The following TNFRSF11A variants were observed in gnomAD, a reference collection of about 807,000 sequenced individuals.
TNFRSF11A encodes TNF receptor superfamily member 11a, also known as tumor necrosis factor receptor superfamily member 11A.
A neutral mutation model predicts 55.7 loss-of-function variants in TNFRSF11A; 32 were observed. The observed-to-expected ratio is 0.57, with a 90% CI of 0.43 to 0.77. TNFRSF11A has a LOEUF of 0.77. TNFRSF11A is among the 30% of genes least tolerant of loss of function. The pLI is 0.00. For missense variants in TNFRSF11A, 753 were observed against 809.8 expected, an observed-to-expected ratio of 0.93 and a Z score of 0.85; for synonymous variants, 311 against 331.0, an observed-to-expected ratio of 0.94 and a Z score of 0.65.
At chr18:62,334,732 G>T (rs72931589) in intron 1 of TNFRSF11A, among the ~76,000 whole-genome samples, 23,231 of 152,126 alleles carry the variant, frequency 0.15, 2,409 homozygotes, top group Middle Eastern at 0.28. Context: ...TCCCTTAAAA[G>T]ACACTTTCTA....
At chr18:62,359,875 C>G in intron 5 of TNFRSF11A, 80 bp from the exon 6 acceptor site, 1 of 1,300,014 alleles carries the variant, frequency 7.7e-7, no homozygotes, top group East Asian at 2.3e-5. Flanking sequence ...AGCTGGCAAT[C>G]TGGGAGAGTT....
chr18:62,358,855 A>T (rs1307219202), intron 5 of TNFRSF11A, among the ~76,000 whole-genome samples: 1 of 152,088 alleles, frequency 6.6e-6, no homozygotes, highest in East Asian at 1.9e-4. Context: ...ATAGTATTTC[A>T]TTGTAGAGAT....
intron 9 of TNFRSF11A, among the ~76,000 whole-genome samples, chr18:62,377,268 G>C (rs1910967569): frequency 6.6e-6 from 1 of 152,150 alleles, no homozygotes; most frequent in Non-Finnish European, 1.5e-5. Context: ...GGACATGGGG[G>C]ATTTGTTTAT....
chr18:62,357,382 G>T (rs1909334400), intron 4 of TNFRSF11A, among the ~76,000 whole-genome samples: 1 of 152,202 alleles, frequency 6.6e-6, no homozygotes, highest in African/African-American at 2.4e-5. Context: ...TATTTTGACA[G>T]TGTAGTTTTT....
At chr18:62,338,457 T>C (rs923958277) in intron 1 of TNFRSF11A, among the ~76,000 whole-genome samples, 14 of 152,242 alleles carry the variant, frequency 9.2e-5, no homozygotes, top group Non-Finnish European at 1.9e-4. Flanking sequence ...AGATATGGTC[T>C]ATACATGTGG....
chr18:62,354,288 C>T lies in TNFRSF11A; in HGVS notation c.284-103C>T, dbSNP rs114938719. The T allele has an allele frequency of 1.2e-3, 1,633 of 1,383,754 alleles. 22 individuals are homozygous for T. In the African/African-American group the frequency reaches 0.022, roughly 19 times the overall value. 85.7% of individuals were successfully genotyped at this position (1,383,754 alleles called of 1,614,324 possible). The stretch of plus-strand genomic sequence containing the variant: ...TGATTCACTCTGCAGGCCTGCCAGG[C>T]GGGCTGCTGCTCTGGGCTGGATGTT... On this transcript the variant is annotated intron_variant, in intron 3 of 9. Transcript: ENST00000586569.
chr18:62,338,156 A>C (rs751605408), intron 1 of TNFRSF11A, among the ~76,000 whole-genome samples: 7 of 152,190 alleles, frequency 4.6e-5, no homozygotes, highest in Non-Finnish European at 8.8e-5. Context: ...AAAAACCAAA[A>C]ACCAAACAAA....
intron 9 of TNFRSF11A, among the ~76,000 whole-genome samples, chr18:62,384,091 ACT>A (rs536356728): frequency 6.6e-6 from 1 of 150,442 alleles, no homozygotes; most frequent in African/African-American, 2.5e-5. Context: ...ATACACATAC[ACT>A]CTCTCTCTCT....
chr18:62,366,864 T>A, intron 8 of TNFRSF11A, 104 bp downstream of exon 8: 1 of 1,215,340 alleles, frequency 8.2e-7, no homozygotes, highest in Non-Finnish European at 1.2e-6. Flanking sequence ...CCCCACTTTT[T>A]TTGAGACGGA....
chr18:62,365,030 C>T (rs1408761665), intron 7 of TNFRSF11A, among the ~76,000 whole-genome samples: 2 of 152,190 alleles, frequency 1.3e-5, no homozygotes, highest in Non-Finnish European at 2.9e-5. Context: ...AAGCGTGGCT[C>T]ACTGCAGCCT....
chr18:62,362,256 C>T (rs1260404193), intron 7 of TNFRSF11A, among the ~76,000 whole-genome samples: 2 of 151,804 alleles, frequency 1.3e-5, no homozygotes, highest in African/African-American at 4.8e-5. Context: ...TTTGAGAGGC[C>T]GAGGCAGGTG....
Position 62,325,495 on chromosome 18 carries a change from G to A in TNFRSF11A, c.75+68G>A. The A allele has an allele frequency of 9.2e-7, 1 of 1,083,430 alleles. No homozygotes were observed. Among genetic ancestry groups the A allele is most frequent in the Non-Finnish European group, 1.2e-6 (1 of 863,084 alleles). 67.1% of individuals were successfully genotyped at this position (1,083,430 alleles called of 1,614,324 possible). On this transcript the variant is annotated intron_variant, in intron 1 of 9. Transcript: ENST00000586569. The surrounding 1 kb of genome is among the most constrained non-coding windows in gnomAD (Gnocchi z 4.7). The stretch of plus-strand genomic sequence containing the variant: ...TCCTCGGGAGCCCCGGGAAGGGCCG[G>A]GGCCGGCGGCATCCTGGCTCCTCCG...
chr18:62,370,937 C>T (rs1910504916), intron 9 of TNFRSF11A, among the ~76,000 whole-genome samples: 1 of 151,978 alleles, frequency 6.6e-6, no homozygotes, highest in Non-Finnish European at 1.5e-5. Context: ...TCAAGCAGTT[C>T]TCCTGCCTCA....
intron 9 of TNFRSF11A, among the ~76,000 whole-genome samples, chr18:62,371,041 G>A (rs1466179669): frequency 6.6e-6 from 1 of 152,144 alleles, no homozygotes; most frequent in Non-Finnish European, 1.5e-5. Flanking sequence ...TGTTGGCCAG[G>A]CTGGTCTCAA....
At chr18:62,347,462 A>G (rs954821307) in intron 1 of TNFRSF11A, among the ~76,000 whole-genome samples, 3 of 152,200 alleles carry the variant, frequency 2.0e-5, no homozygotes, top group Non-Finnish European at 4.4e-5. Flanking sequence ...TTGTCTTAGA[A>G]TCATACCGTT....
At chr18:62,330,331 T>C (rs1294565380) in intron 1 of TNFRSF11A, among the ~76,000 whole-genome samples, 2 of 152,190 alleles carry the variant, frequency 1.3e-5, no homozygotes, top group Admixed American at 6.5e-5. Context: ...GTCACATGTG[T>C]CTAAAGCTCT....
chr18:62,348,950 C>G (rs1033536902), intron 2 of TNFRSF11A, among the ~76,000 whole-genome samples: 1 of 152,154 alleles, frequency 6.6e-6, no homozygotes, highest in Admixed American at 6.5e-5. Flanking sequence ...TGGGGCGCAG[C>G]GTGACACTTG....
intron 1 of TNFRSF11A, among the ~76,000 whole-genome samples, chr18:62,343,668 C>T (rs1010559523): frequency 1.3e-5 from 2 of 152,058 alleles, no homozygotes; most frequent in African/African-American, 4.8e-5. Flanking sequence ...GTCCATCAGC[C>T]GTTAAGATAA....
chr18:62,341,034 A>G (rs775663163), intron 1 of TNFRSF11A, among the ~76,000 whole-genome samples: 3 of 152,276 alleles, frequency 2.0e-5, no homozygotes, highest in African/African-American at 4.8e-5. Context: ...TTGAAATTCT[A>G]TCTGCCGAGC....
Sources: gnomAD v4.1 joint callset for allele counts (sites outside exome capture counted in the v4.1 genomes callset) on GRCh38, gnomAD v4.1.1 for gene constraint, Gnocchi (gnomAD v3.1) non-coding constraint, MANE v1.5 for transcripts, NCBI Gene and HGNC (gene_info 2026-07-23, HGNC 2026-07-21) for gene names.